Variants in ROBO2 observed in about 807,000 individuals in gnomAD.
ROBO2 encodes the protein roundabout homolog 2.
ROBO2 carries 53 observed loss-of-function variants against 160.8 expected under a neutral mutation model. That is an observed-to-expected ratio of 0.33 (90% CI 0.26 to 0.41). The LOEUF is 0.41. ROBO2 is among the 10% of genes least tolerant of loss of function. The pLI, the probability that ROBO2 is intolerant of heterozygous loss-of-function variation, is 1.00. For missense variants in ROBO2, 1,577 were observed against 1,722.4 expected (o/e 0.92, Z 1.49); for synonymous variants, 664 against 611.7 (o/e 1.09, Z -1.26).
At chr3:77,025,703 C>T (rs925297436) in intron 2 of ROBO2, among the ~76,000 whole-genome samples, 1 of 152,132 alleles carries the variant, frequency 6.6e-6, no homozygotes, top group African/African-American at 2.4e-5. Context: ...TGGTAGGGTG[C>T]TAATGGAAAG....
At chr3:77,553,061 GT>G (rs2092976577) in intron 8 of ROBO2, among the ~76,000 whole-genome samples, 1 of 151,898 alleles carries the variant, frequency 6.6e-6, no homozygotes, top group South Asian at 2.1e-4. Flanking sequence ...CAAATTGAAG[GT>G]TTATGGCAAC....
At chr3:77,623,730 G>A (rs561449690) in intron 23 of ROBO2, among the ~76,000 whole-genome samples, 2 of 152,236 alleles carry the variant, frequency 1.3e-5, no homozygotes, top group East Asian at 3.9e-4. Flanking sequence ...AAGCCCCTTT[G>A]CCTGAATTTC....
At chr3:75,921,657 A>G (rs1043987876) in intron 1 of ROBO2, among the ~76,000 whole-genome samples, 11 of 152,168 alleles carry the variant, frequency 7.2e-5, no homozygotes, top group Middle Eastern at 3.2e-3. Context: ...GCAGATGTGC[A>G]TGTACACAAG....
chr3:77,391,250 T>C (rs1418403319), intron 2 of ROBO2, among the ~76,000 whole-genome samples: 1 of 152,122 alleles, frequency 6.6e-6, no homozygotes, highest in Admixed American at 6.5e-5. Context: ...AAGTTTTCAT[T>C]AGAAACCTTT....
intron 2 of ROBO2, among the ~76,000 whole-genome samples, chr3:76,377,307 AG>A (rs2108522968): frequency 1.3e-5 from 2 of 152,280 alleles, no homozygotes; most frequent in East Asian, 3.9e-4. Flanking sequence ...CACTGTTAAT[AG>A]GATAGCCCCA....
chr3:76,073,728 CT>C (rs2068551717), intron 2 of ROBO2, among the ~76,000 whole-genome samples: 1 of 152,118 alleles, frequency 6.6e-6, no homozygotes, highest in South Asian at 2.1e-4. Flanking sequence ...TATAAGTGAG[CT>C]TTGAATTTAT....
At chr3:77,505,685 G>C (rs1338058594) in intron 5 of ROBO2, among the ~76,000 whole-genome samples, 1 of 151,996 alleles carries the variant, frequency 6.6e-6, no homozygotes, top group Non-Finnish European at 1.5e-5. Flanking sequence ...TTAAATATGG[G>C]AGTAATAGCT....
chr3:77,284,224 G>A (rs912835371), intron 2 of ROBO2, among the ~76,000 whole-genome samples: 1 of 152,104 alleles, frequency 6.6e-6, no homozygotes, highest in Non-Finnish European at 1.5e-5. Context: ...GGCTTACCAA[G>A]CCCTAAGTGA....
At chr3:77,291,774 T>A (rs1439348927) in intron 2 of ROBO2, among the ~76,000 whole-genome samples, 2 of 150,224 alleles carry the variant, frequency 1.3e-5, no homozygotes, top group Non-Finnish European at 2.9e-5. Flanking sequence ...AAAGTAAAAT[T>A]GAAGATTAAA....
Position 76,834,028 on chromosome 3 carries a change from T to TTTCTTTCTC in ROBO2, c.110-263978_110-263977insCTTCTTTCT. ...TTCTTTCTTTCCTTTCTTTCTTTTC[T>TTTCTTTCTC]TTCTTTCTTTCCTTTCTTTCTCTCC... On this transcript the variant is annotated intron_variant, in intron 2 of 26. Coordinates refer to the ROBO2 transcript ENST00000487694. Among the ~76,000 whole-genome samples, 3 of 118,390 alleles carry TTTCTTTCTC rather than the reference T, an allele frequency of 2.5e-5. No individual in the cohort carries two copies. The East Asian group carries it at 9.6e-4, about 38-fold the overall frequency. 77.7% of individuals were successfully genotyped at this position (118,390 alleles called of 152,430 possible). A position where few individuals can be genotyped will look rare whatever the true frequency, so the allele number is the denominator to read the frequency against.
In ROBO2 at chr3:77,493,300, G is replaced by A. The variant is rs755650539; in HGVS notation, c.724G>A (p.Val242Ile). 5 of 1,613,832 alleles carry A rather than the reference G, an allele frequency of 3.1e-6. No individual in the cohort carries two copies. The South Asian group carries it at 4.4e-5, about 14-fold the overall frequency. ...CCAGGTGGTACTGGAGGAAGAAGCT[G>A]TAGAATTTCGTTGTCAAGTCCAAGG... The change falls in exon 5 of 26, where the codon GTA becomes ATA. Residue 242 changes from valine to isoleucine, a missense_variant. By Grantham distance (29) the Val-to-Ile change is conservative. Around this residue, in one of 2 missense-constraint regions of ROBO2, gnomAD observed 940 missense variants for 1,135.5 expected, o/e 0.83. Transcript: ENST00000461745.
chr3:76,839,219 C>T (rs554030527), intron 2 of ROBO2, among the ~76,000 whole-genome samples: 2 of 152,090 alleles, frequency 1.3e-5, no homozygotes, highest in Non-Finnish European at 2.9e-5. Flanking sequence ...TCTTGAGCCA[C>T]AAAATGCAAA....
intron 2 of ROBO2, among the ~76,000 whole-genome samples, chr3:76,635,811 A>C (rs1022950628): frequency 1.3e-5 from 2 of 152,236 alleles, no homozygotes; most frequent in Non-Finnish European, 2.9e-5. Flanking sequence ...AGAATTGTTT[A>C]TTGTAGCCAA....
chr3:76,308,249 C>T (rs563363579), intron 2 of ROBO2, among the ~76,000 whole-genome samples: 7 of 151,534 alleles, frequency 4.6e-5, no homozygotes, highest in Non-Finnish European at 7.4e-5. Flanking sequence ...TGGTGGTGGG[C>T]GCCTGTAATC....
At chr3:77,158,534 T>G (rs150293859) in intron 2 of ROBO2, among the ~76,000 whole-genome samples, 2 of 152,216 alleles carry the variant, frequency 1.3e-5, no homozygotes, top group East Asian at 3.9e-4. Context: ...TATTACTGGT[T>G]TACTCATCAC....
intron 2 of ROBO2, among the ~76,000 whole-genome samples, chr3:76,679,956 C>A (rs72888364): frequency 0.019 from 2,824 of 152,196 alleles, 91 homozygotes; most frequent in African/African-American, 0.059. Context: ...ATTAGAGATG[C>A]TGGATTTTGT....
intron 23 of ROBO2, among the ~76,000 whole-genome samples, chr3:77,626,315 CTA>C (rs2095025192): frequency 6.6e-6 from 1 of 152,062 alleles, no homozygotes; most frequent in Non-Finnish European, 1.5e-5. Context: ...ACATTCAGTT[CTA>C]TGTTTATTTA....
chr3:76,016,316 C>A (rs531827956), intron 2 of ROBO2, among the ~76,000 whole-genome samples: 1 of 151,214 alleles, frequency 6.6e-6, no homozygotes, highest in Admixed American at 6.6e-5. Flanking sequence ...AGTGTGATAT[C>A]GAAGCTCAAT....
At chr3:77,099,641 C>T (rs1273125707) in intron 2 of ROBO2, among the ~76,000 whole-genome samples, 2 of 152,122 alleles carry the variant, frequency 1.3e-5, no homozygotes, top group African/African-American at 4.8e-5. Context: ...ATATCCATAC[C>T]TGTTCCATTT....
Sources: gnomAD v4.1 joint callset for allele counts (sites outside exome capture counted in the v4.1 genomes callset) on GRCh38, gnomAD v4.1.1 for gene constraint, gnomAD v4.1.1 regional missense constraint, MANE v1.5 for transcripts, NCBI Gene and HGNC (gene_info 2026-07-23, HGNC 2026-07-21) for gene names.